The following CDH13 variants were observed in gnomAD, a reference collection of about 807,000 sequenced individuals.
The protein encoded by CDH13 is cadherin-13.
Under a neutral mutation model 63.8 loss-of-function variants are expected in CDH13, and 24 were observed. The observed-to-expected ratio is 0.38, with a 90% CI of 0.27 to 0.53. The LOEUF is 0.53. CDH13 is among the 20% of genes least tolerant of loss of function. CDH13 has a pLI of 0.85. For missense variants in CDH13, 1,049 were observed against 903.1 expected, an observed-to-expected ratio of 1.16 and a Z score of -2.07; for synonymous variants, 503 against 355.3, an observed-to-expected ratio of 1.42 and a Z score of -4.67.
chr16:83,232,439 C>T (rs915403768), intron 5 of CDH13, among the ~76,000 whole-genome samples: 2 of 151,562 alleles, frequency 1.3e-5, no homozygotes, highest in Non-Finnish European at 2.9e-5. Context: ...GCAGGAGAAT[C>T]GCTTGAACCT....
intron 1 of CDH13, among the ~76,000 whole-genome samples, chr16:82,797,369 A>G (rs535898819): frequency 3.9e-5 from 6 of 152,320 alleles, no homozygotes; most frequent in Admixed American, 1.3e-4. Context: ...GCCACCATGC[A>G]TCATTAGTGC....
intron 1 of CDH13, among the ~76,000 whole-genome samples, chr16:82,784,310 A>C (rs1214171513): frequency 6.6e-6 from 1 of 152,222 alleles, no homozygotes; most frequent in Non-Finnish European, 1.5e-5. Flanking sequence ...ACGGCGCAGC[A>C]TGTGGGAGAG....
intron 1 of CDH13, among the ~76,000 whole-genome samples, chr16:82,839,962 A>G (rs2038937305): frequency 6.6e-6 from 1 of 152,230 alleles, no homozygotes; most frequent in Admixed American, 6.5e-5. Flanking sequence ...TATCCAAAGG[A>G]CTGACTCATG....
intron 2 of CDH13, among the ~76,000 whole-genome samples, chr16:82,914,321 AGTC>A (rs1353856121): frequency 6.6e-6 from 1 of 152,220 alleles, no homozygotes; most frequent in Non-Finnish European, 1.5e-5. Context: ...TAACCCGTAT[AGTC>A]TTCATAAAGA....
intron 7 of CDH13, among the ~76,000 whole-genome samples, chr16:83,570,220 G>A (rs1240117768): frequency 6.6e-6 from 1 of 152,168 alleles, no homozygotes; most frequent in East Asian, 1.9e-4. Context: ...TATAGGTCTT[G>A]CATCGTAGAT....
At chr16:82,958,537 G>A (rs1372129436) in intron 2 of CDH13, among the ~76,000 whole-genome samples, 1 of 152,202 alleles carries the variant, frequency 6.6e-6, no homozygotes, top group East Asian at 1.9e-4. Flanking sequence ...AACACAGTCG[G>A]GGAGGAGAGG....
chr16:83,692,638 G>A (rs754868930), intron 10 of CDH13, among the ~76,000 whole-genome samples: 18 of 152,186 alleles, frequency 1.2e-4, no homozygotes, highest in African/African-American at 2.4e-4. Flanking sequence ...AGAGACTTTC[G>A]GACTTGAAGG....
intron 2 of CDH13, among the ~76,000 whole-genome samples, chr16:83,016,010 G>A (rs565098102): frequency 4.0e-5 from 6 of 151,894 alleles, no homozygotes; most frequent in African/African-American, 1.5e-4. Context: ...TATTGTTGTC[G>A]AGTGGAGAAA....
chr16:83,226,303 G>A (rs1283047883), intron 5 of CDH13, among the ~76,000 whole-genome samples: 2 of 152,180 alleles, frequency 1.3e-5, no homozygotes, highest in African/African-American at 4.8e-5. Context: ...AGACTGCTGA[G>A]TTGCTTCTGA....
At chr16:82,976,988 A>G (rs1349700061) in intron 2 of CDH13, among the ~76,000 whole-genome samples, 1 of 152,212 alleles carries the variant, frequency 6.6e-6, no homozygotes, top group African/African-American at 2.4e-5. Flanking sequence ...TCTATTATAC[A>G]CAGTCTAATC....
intron 4 of CDH13, among the ~76,000 whole-genome samples, chr16:83,135,059 A>T (rs1312141635): frequency 1.3e-5 from 2 of 152,230 alleles, no homozygotes; most frequent in Non-Finnish European, 2.9e-5. Flanking sequence ...ATCCAGACTC[A>T]GGGTTGTTGA....
At chr16:83,530,546 A>C (rs911196587) in intron 7 of CDH13, among the ~76,000 whole-genome samples, 1 of 152,176 alleles carries the variant, frequency 6.6e-6, no homozygotes, top group Non-Finnish European at 1.5e-5. Context: ...TGTTAGGATT[A>C]ATGGTCTCTG....
intron 2 of CDH13, among the ~76,000 whole-genome samples, chr16:82,867,492 C>T (rs1272132122): frequency 2.6e-5 from 4 of 152,190 alleles, no homozygotes; most frequent in African/African-American, 4.8e-5. Context: ...CCTTAACTCT[C>T]AGCTTTCCAC....
intron 2 of CDH13, among the ~76,000 whole-genome samples, chr16:82,982,035 A>G (rs1910330294): frequency 3.3e-5 from 5 of 152,202 alleles, no homozygotes; most frequent in Admixed American, 2.6e-4. Flanking sequence ...ACAGCATGGT[A>G]TATGAAGCCA....
In CDH13 at chr16:83,419,193, C is replaced by G. The variant is rs565704183; in HGVS notation, c.782-67284C>G. Among the ~76,000 whole-genome samples, 5 of 152,190 alleles carry G rather than the reference C, an allele frequency of 3.3e-5. No individual in the cohort carries two copies. The East Asian group carries it at 9.7e-4, about 29-fold the overall frequency. On this transcript the variant is annotated intron_variant, in intron 6 of 13. Transcript: ENST00000567109. The stretch of plus-strand genomic sequence containing the variant: ...GTGACCAGCTCCATCCCTATCGTGC[C>G]CCCTGCCTCTGTAACCAGATTTTTG...
At chr16:83,268,318 C>T (rs2088687685) in intron 5 of CDH13, among the ~76,000 whole-genome samples, 1 of 152,212 alleles carries the variant, frequency 6.6e-6, no homozygotes, top group Non-Finnish European at 1.5e-5. Context: ...AGTTACGCTG[C>T]TGGTGAGCTG....
intron 3 of CDH13, among the ~76,000 whole-genome samples, chr16:83,055,836 T>G (rs113834412): frequency 6.6e-6 from 1 of 152,134 alleles, no homozygotes; most frequent in Admixed American, 6.5e-5. Context: ...TGAATGTATA[T>G]GAGAAGGTAG....
intron 4 of CDH13, among the ~76,000 whole-genome samples, chr16:83,157,837 T>C (rs971641471): frequency 1.3e-5 from 2 of 150,740 alleles, no homozygotes; most frequent in African/African-American, 4.9e-5. Flanking sequence ...AGCTTGAACC[T>C]GGGAGGCAGA....
At chr16:82,889,805 A>C (rs1221495283) in intron 2 of CDH13, among the ~76,000 whole-genome samples, 1 of 152,246 alleles carries the variant, frequency 6.6e-6, no homozygotes, top group Admixed American at 6.5e-5. Flanking sequence ...AATTCAAAGA[A>C]AGAAAACAAC....
Sources: allele counts gnomAD v4.1 joint callset (sites outside exome capture counted in the v4.1 genomes callset), GRCh38; gene constraint gnomAD v4.1.1; transcripts MANE v1.5; gene names NCBI Gene and HGNC (gene_info 2026-07-23, HGNC 2026-07-21).